GRID2: variants seen among roughly 807,000 people sequenced by gnomAD.
The protein encoded by GRID2 is glutamate receptor ionotropic, delta-2.
GRID2 carries 33 observed loss-of-function variants against 114.8 expected under a neutral mutation model. The observed-to-expected ratio is 0.29, with a 90% CI of 0.22 to 0.38. The LOEUF is 0.38. GRID2 is among the 10% of genes least tolerant of loss of function. The pLI is 1.00. For missense variants in GRID2, 1,184 were observed against 1,257.7 expected, an observed-to-expected ratio of 0.94 and a Z score of 0.89; for synonymous variants, 505 against 449.9, an observed-to-expected ratio of 1.12 and a Z score of -1.55.
intron 1 of GRID2, among the ~76,000 whole-genome samples, chr4:92,510,279 T>A (rs549138548): frequency 6.6e-6 from 1 of 152,028 alleles, no homozygotes; most frequent in South Asian, 2.1e-4. Context: ...ACAATGGATT[T>A]GTCATTTACT....
At chr4:92,891,196 A>G (rs183979023) in intron 2 of GRID2, among the ~76,000 whole-genome samples, 2 of 152,116 alleles carry the variant, frequency 1.3e-5, no homozygotes, top group Non-Finnish European at 2.9e-5. Context: ...AGCAAACCAT[A>G]ATGGCACGTG....
At chr4:93,501,311 CTT>C (rs1021281094) in intron 12 of GRID2, among the ~76,000 whole-genome samples, 1 of 151,920 alleles carries the variant, frequency 6.6e-6, no homozygotes, top group African/African-American at 2.4e-5. Flanking sequence ...CAGTAGGAGT[CTT>C]TTTTATAGCT....
chr4:92,425,826 A>C (rs886092654), intron 1 of GRID2, among the ~76,000 whole-genome samples: 5 of 152,102 alleles, frequency 3.3e-5, no homozygotes, highest in Admixed American at 6.6e-5. Flanking sequence ...AATGCCAACT[A>C]ACTTACAAGG....
intron 14 of GRID2, among the ~76,000 whole-genome samples, chr4:93,727,519 T>G (rs1221352561): frequency 1.3e-5 from 2 of 152,228 alleles, no homozygotes; most frequent in Admixed American, 6.5e-5. Context: ...TTACGGAGGA[T>G]TCCCTCTTTT....
chr4:93,203,324 C>G (rs1276789373), intron 4 of GRID2, among the ~76,000 whole-genome samples: 1 of 152,020 alleles, frequency 6.6e-6, no homozygotes, highest in African/African-American at 2.4e-5. Flanking sequence ...CAAAAAATTT[C>G]AAGCTTCTTT....
chr4:93,349,192 A>T (rs939591538), intron 8 of GRID2, among the ~76,000 whole-genome samples: 1 of 152,164 alleles, frequency 6.6e-6, no homozygotes, highest in African/African-American at 2.4e-5. Flanking sequence ...TCACATGTAC[A>T]TATATTATCA....
chr4:92,332,561 C>T (rs944194579), intron 1 of GRID2, among the ~76,000 whole-genome samples: 2 of 152,110 alleles, frequency 1.3e-5, no homozygotes, highest in African/African-American at 4.8e-5. Flanking sequence ...AAATCTTAAC[C>T]CATTCTAATA....
At chr4:92,474,970 G>T (rs1465641408) in intron 1 of GRID2, among the ~76,000 whole-genome samples, 19 of 128,860 alleles carry the variant, frequency 1.5e-4, no homozygotes, top group Non-Finnish European at 2.6e-4. Flanking sequence ...ATTTTTTTGG[G>T]GGGGGGGTGG....
chr4:93,637,641 A>C (rs1476114101), intron 14 of GRID2, among the ~76,000 whole-genome samples: 1 of 152,154 alleles, frequency 6.6e-6, no homozygotes, highest in African/African-American at 2.4e-5. Context: ...ACAGGGAGGG[A>C]GAGATCCATC....
At chr4:92,652,923 TATAA>T (rs1451355017) in intron 2 of GRID2, among the ~76,000 whole-genome samples, 1 of 140,600 alleles carries the variant, frequency 7.1e-6, no homozygotes, top group African/African-American at 2.6e-5. Flanking sequence ...TATAAATACA[TATAA>T]ATATATATAA....
chr4:92,868,066 T>TTCTTTCTG lies in GRID2; in HGVS notation c.245-216926_245-216925insTTCTGTCT, dbSNP rs1407614791. On this transcript the variant is annotated intron_variant, in intron 2 of 15. Transcript: ENST00000282020. ...TTTCTTTCTTTCTTTCTTTCTTTCTTTCTGTCTGTCTGTCTGTCTGTCTTT... is the reference window on the plus strand; with the variant it reads ...TTTCTTTCTTTCTTTCTTTCTTTCTTTCTTTCTGTCTGTCTGTCTGTCTGTCTGTCTTT... Among the ~76,000 whole-genome samples the TTCTTTCTG allele has an allele frequency of 2.1e-3, 253 of 123,300 alleles. 2 individuals carry two copies. Among genetic ancestry groups the TTCTTTCTG allele is most frequent in the Middle Eastern group, 4.0e-3 (1 of 250 alleles). The allele number at this position is 123,300 out of a possible 152,430, so 80.9% of individuals were successfully genotyped here.
chr4:93,669,119 A>C lies in GRID2; in HGVS notation c.2360+42684A>C, dbSNP rs140869010. On this transcript the variant is annotated intron_variant, in intron 14 of 15. Transcript: ENST00000282020. ...TTATAGTACATCAGGTTTTATTGAC[A>C]CTACCTTTCCACTATCAGTATTTTC... Among the ~76,000 whole-genome samples, 848 of 152,170 alleles carry C rather than the reference A, an allele frequency of 5.6e-3. 6 individuals are homozygous for C. The highest frequency in any genetic ancestry group is 0.019 in the African/African-American group (779 of 41,542).
chr4:93,467,545 G>GATATATATA (rs1724413259), intron 11 of GRID2, among the ~76,000 whole-genome samples: 1 of 152,118 alleles, frequency 6.6e-6, no homozygotes, highest in Non-Finnish European at 1.5e-5. Context: ...TATCATTATA[G>GATATATATA]TCTCTTCTAA....
chr4:92,566,073 T>A (rs1037029050), intron 1 of GRID2, among the ~76,000 whole-genome samples: 3 of 151,956 alleles, frequency 2.0e-5, no homozygotes, highest in Non-Finnish European at 4.4e-5. Flanking sequence ...CCGTTTATGG[T>A]TTTGAAGGCC....
At chr4:92,941,028 T>C (rs1004276846) in intron 2 of GRID2, among the ~76,000 whole-genome samples, 1 of 152,202 alleles carries the variant, frequency 6.6e-6, no homozygotes, top group African/African-American at 2.4e-5. Flanking sequence ...TTTAAAATTC[T>C]CTTTTATTGT....
intron 8 of GRID2, among the ~76,000 whole-genome samples, chr4:93,378,113 A>G (rs1763535278): frequency 6.6e-6 from 1 of 152,154 alleles, no homozygotes; most frequent in South Asian, 2.1e-4. Flanking sequence ...GATAGTTACA[A>G]TGACTGTTTC....
At chr4:93,520,240 G>A (rs1241403918) in intron 13 of GRID2, among the ~76,000 whole-genome samples, 1 of 152,084 alleles carries the variant, frequency 6.6e-6, no homozygotes, top group Non-Finnish European at 1.5e-5. Flanking sequence ...AATAGAACAG[G>A]TAAAGTTCCT....
At chr4:92,733,126 A>T (rs1302951890) in intron 2 of GRID2, among the ~76,000 whole-genome samples, 1 of 152,010 alleles carries the variant, frequency 6.6e-6, no homozygotes, top group African/African-American at 2.4e-5. Flanking sequence ...TTTTAGTAAG[A>T]TAAGTAAGAT....
intron 8 of GRID2, among the ~76,000 whole-genome samples, chr4:93,298,622 T>C (rs1579588578): frequency 6.6e-6 from 1 of 152,194 alleles, no homozygotes; most frequent in Non-Finnish European, 1.5e-5. Flanking sequence ...AAAGATATTC[T>C]CTCTAAATAA....
Sources: gnomAD v4.1 joint callset for allele counts (sites outside exome capture counted in the v4.1 genomes callset) on GRCh38, gnomAD v4.1.1 for gene constraint, MANE v1.5 for transcripts, NCBI Gene and HGNC (gene_info 2026-07-23, HGNC 2026-07-21) for gene names.